HS3ST5: variants seen among roughly 807,000 people sequenced by gnomAD.
HS3ST5 encodes heparan sulfate glucosamine 3-O-sulfotransferase 5.
A neutral mutation model predicts 25.4 loss-of-function variants in HS3ST5; 10 were observed. The observed-to-expected ratio is 0.39, with a 90% CI of 0.24 to 0.67. HS3ST5 has a LOEUF of 0.67. Among genes scored for constraint, HS3ST5 ranks in the 30% least tolerant of loss-of-function variants. The pLI is 0.44. For missense variants in HS3ST5, 324 were observed against 420.7 expected (o/e 0.77, Z 2.01); for synonymous variants, 170 against 162.4 (o/e 1.05, Z -0.36).
chr6:114,294,229 A>C (rs537469253), intron 1 of HS3ST5, among the ~76,000 whole-genome samples: 2 of 152,286 alleles, frequency 1.3e-5, no homozygotes, highest in Admixed American at 6.5e-5. Context: ...CAGAAAAAAA[A>C]CCTGCGGAAT....
At chr6:114,235,738 T>G (rs924254259) in intron 1 of HS3ST5, 1 of 152,210 alleles carries the variant, frequency 6.6e-6, no homozygotes, top group African/African-American at 2.4e-5. Context: ...AAGTCAGAAG[T>G]GGACCATGTT....
intron 1 of HS3ST5, among the ~76,000 whole-genome samples, chr6:114,295,672 A>C (rs997579938): frequency 3.3e-5 from 5 of 152,214 alleles, no homozygotes; most frequent in African/African-American, 1.2e-4. Flanking sequence ...CATGCAAACT[A>C]TATAGAAGGG....
chr6:114,074,308 C>CAA (rs111852622), intron 3 of HS3ST5, among the ~76,000 whole-genome samples: 9 of 136,560 alleles, frequency 6.6e-5, no homozygotes, highest in Admixed American at 1.5e-4. Flanking sequence ...AAAAAAAGAG[C>CAA]AAAAAAAAAA....
At chr6:114,152,685 C>G (rs538011950) in intron 3 of HS3ST5, among the ~76,000 whole-genome samples, 1 of 152,190 alleles carries the variant, frequency 6.6e-6, no homozygotes, top group Non-Finnish European at 1.5e-5. Context: ...GGGGCCAGCG[C>G]TGGCTCAGTT....
intron 1 of HS3ST5, among the ~76,000 whole-genome samples, chr6:114,229,983 C>T (rs1771499406): frequency 6.6e-6 from 1 of 152,048 alleles, no homozygotes; most frequent in South Asian, 2.1e-4. Flanking sequence ...TTCTGGTTGA[C>T]AAAATGTACA....
At chr6:114,091,482 C>A (rs948999836) in intron 3 of HS3ST5, among the ~76,000 whole-genome samples, 22 of 151,788 alleles carry the variant, frequency 1.4e-4, no homozygotes, top group Non-Finnish European at 2.6e-4. Flanking sequence ...GCGAGACCAT[C>A]CTGGCTAACA....
At chr6:114,308,830 C>T (rs1206639752) in intron 1 of HS3ST5, among the ~76,000 whole-genome samples, 1 of 152,084 alleles carries the variant, frequency 6.6e-6, no homozygotes, top group Non-Finnish European at 1.5e-5. Context: ...GCCAACAAAA[C>T]CCTGAAATGC....
intron 2 of HS3ST5, among the ~76,000 whole-genome samples, chr6:114,204,913 T>G (rs185013093): frequency 5.3e-5 from 8 of 152,278 alleles, no homozygotes; most frequent in Non-Finnish European, 1.0e-4. Context: ...CAGCTCTTGA[T>G]AAGTACACAA....
At chr6:114,236,886 T>C (rs907770690) in intron 1 of HS3ST5, among the ~76,000 whole-genome samples, 4 of 152,308 alleles carry the variant, frequency 2.6e-5, no homozygotes, top group South Asian at 4.1e-4. Context: ...ACAGAAAAGA[T>C]AGATGTCAAA....
intron 4 of HS3ST5, among the ~76,000 whole-genome samples, chr6:114,060,754 CT>C (rs1773063318): frequency 6.6e-6 from 1 of 152,192 alleles, no homozygotes; most frequent in Non-Finnish European, 1.5e-5. Flanking sequence ...CATTTTCCTT[CT>C]TTACTTCCTT....
chr6:114,337,709 A>C (rs1776663194), intron 1 of HS3ST5, among the ~76,000 whole-genome samples: 1 of 152,126 alleles, frequency 6.6e-6, no homozygotes, highest in South Asian at 2.1e-4. Flanking sequence ...AAATTATCAT[A>C]AATCTCAGTT....
intron 3 of HS3ST5, among the ~76,000 whole-genome samples, chr6:114,121,694 C>T (rs1354174670): frequency 2.6e-5 from 4 of 151,756 alleles, no homozygotes; most frequent in African/African-American, 9.7e-5. Flanking sequence ...GCATGGCTTC[C>T]CATATTTTTA....
rs150451200 is a variant in HS3ST5 at position 114,112,035 on chromosome 6, T to C, written c.-32-49158A>G. Among the ~76,000 whole-genome samples, 306 of 152,250 alleles carry C rather than the reference T, an allele frequency of 2.0e-3. 2 individuals carry two copies. The highest frequency in any genetic ancestry group is 7.1e-3 in the African/African-American group (296 of 41,564). On this transcript the variant is annotated intron_variant, in intron 3 of 4. Transcript: ENST00000312719. ...TGGCTTGGAGTCCATGGTTCCGCTG[T>C]ATAATTATCCCTCATAAACACTGTC... is the stretch of plus-strand genomic sequence containing the variant.
chr6:114,264,905 G>A lies in HS3ST5; in HGVS notation c.-338-36127C>T, dbSNP rs532572672. Reference sequence around the variant, plus strand: ...GGGTTTGTTTTGTTTTTTGAGACAGGGTCTCACCCTGTCACCCAGGCTGGA... The same window carrying A: ...GGGTTTGTTTTGTTTTTTGAGACAGAGTCTCACCCTGTCACCCAGGCTGGA... On this transcript the variant is annotated intron_variant, in intron 1 of 4. Transcript: ENST00000312719. Among the ~76,000 whole-genome samples, 4 of 152,068 alleles carry A rather than the reference G, an allele frequency of 2.6e-5. No homozygotes were observed. In the South Asian group the frequency reaches 8.3e-4, roughly 32 times the overall value.
chr6:114,230,306 C>T (rs767708636), intron 1 of HS3ST5: 55 of 151,792 alleles, frequency 3.6e-4, no homozygotes, highest in Admixed American at 8.5e-4. Flanking sequence ...CTCATCTTTG[C>T]CTCGGTGACA....
At chr6:114,165,813 C>T (rs1283309231) in intron 3 of HS3ST5, among the ~76,000 whole-genome samples, 3 of 152,094 alleles carry the variant, frequency 2.0e-5, no homozygotes, top group Non-Finnish European at 4.4e-5. Flanking sequence ...ATTTTAGCTT[C>T]CTTGTTGGTA....
chr6:114,071,221 G>A (rs1349042270), intron 3 of HS3ST5, among the ~76,000 whole-genome samples: 1 of 152,098 alleles, frequency 6.6e-6, no homozygotes, highest in Non-Finnish European at 1.5e-5. Flanking sequence ...CTGTCAAATG[G>A]GATACCAATA....
At chr6:114,256,292 G>A (rs1772914074) in intron 1 of HS3ST5, among the ~76,000 whole-genome samples, 1 of 151,850 alleles carries the variant, frequency 6.6e-6, no homozygotes, top group Admixed American at 6.6e-5. Flanking sequence ...GGAGGCTGAG[G>A]CAGGAGAATG....
In HS3ST5 at chr6:114,213,341, G is replaced by A. The variant is rs575794116; in HGVS notation, c.-145+15244C>T. Among the ~76,000 whole-genome samples the A allele has an allele frequency of 2.5e-4, 37 of 147,826 alleles. No homozygotes were observed. In the South Asian group the frequency reaches 2.7e-3, roughly 11 times the overall value. ...GTTTTTATGGGTACAGGATGGCGGC[G>A]GGGGTGGGGGGGTGGGCAGGGCAGG... On this transcript the variant is annotated intron_variant, in intron 2 of 4. Coordinates refer to ENST00000312719, the MANE Select transcript of HS3ST5 (RefSeq NM_153612.4).
Sources: gnomAD v4.1 joint callset for allele counts (sites outside exome capture counted in the v4.1 genomes callset) on GRCh38, gnomAD v4.1.1 for gene constraint, MANE v1.5 for transcripts, NCBI Gene and HGNC (gene_info 2026-07-23, HGNC 2026-07-21) for gene names.